Variants in SPMAP2L observed in about 807,000 individuals in gnomAD.
SPMAP2L encodes the protein sperm microtubule associated protein 2-like.
the SPMAP2L span, among the ~76,000 whole-genome samples, chr4:56,579,951 A>G: frequency 4.6e-5 from 7 of 152,220 alleles, no homozygotes; most frequent in Non-Finnish European, 1.0e-4. Context: ...AAAGCTTCCT[A>G]TGAAGAACAG....
At chr4:56,551,187 G>T in the SPMAP2L span, among the ~76,000 whole-genome samples, 2,638 of 152,262 alleles carry the variant, frequency 0.017, 81 homozygotes, top group African/African-American at 0.06. Flanking sequence ...AAAGAGCTCA[G>T]GCAAGTGTTA....
the SPMAP2L span, among the ~76,000 whole-genome samples, chr4:56,531,504 C>T: frequency 6.6e-6 from 1 of 152,172 alleles, no homozygotes; most frequent in Admixed American, 6.5e-5. Context: ...CTCTGGGTTG[C>T]ACTTTGAATG....
the SPMAP2L span, among the ~76,000 whole-genome samples, chr4:56,597,088 G>C: frequency 6.6e-6 from 1 of 152,210 alleles, no homozygotes. Context: ...AGGGTGGTAA[G>C]ATACTTTGCC....
At chr4:56,537,946 G>GC in the SPMAP2L span, among the ~76,000 whole-genome samples, 1 of 152,030 alleles carries the variant, frequency 6.6e-6, no homozygotes, top group Non-Finnish European at 1.5e-5. Context: ...GCCCGCCTCG[G>GC]CCCCCCAAAG....
the SPMAP2L span, among the ~76,000 whole-genome samples, chr4:56,589,350 T>C: frequency 1.8e-4 from 28 of 152,312 alleles, 1 homozygote; most frequent in Admixed American, 1.7e-3. Context: ...ATAGTATAGT[T>C]TGAAATCAGG....
At chr4:56,623,168 A>C in the SPMAP2L span, among the ~76,000 whole-genome samples, 781 of 152,184 alleles carry the variant, frequency 5.1e-3, 6 homozygotes, top group South Asian at 0.01. Context: ...TTTTCTCTCT[A>C]GGGCTTTCTT....
the SPMAP2L span, among the ~76,000 whole-genome samples, chr4:56,533,325 A>G: frequency 6.6e-6 from 1 of 152,172 alleles, no homozygotes; most frequent in Non-Finnish European, 1.5e-5. Flanking sequence ...GAGTGCTCTC[A>G]TTCCTCAACC....
At chr4:56,536,777 AT>A in the SPMAP2L span, among the ~76,000 whole-genome samples, 1 of 151,988 alleles carries the variant, frequency 6.6e-6, no homozygotes, top group Non-Finnish European at 1.5e-5. Context: ...TATTATTACT[AT>A]TTTGAGATGG....
chr4:56,530,652 C>A, the SPMAP2L span: 8 of 1,526,340 alleles, frequency 5.2e-6, no homozygotes, highest in African/African-American at 8.3e-5. Flanking sequence ...GTGAGTCCCG[C>A]GCGCGACAGA....
the SPMAP2L span, among the ~76,000 whole-genome samples, chr4:56,572,150 A>C: frequency 1.7e-4 from 26 of 152,220 alleles, no homozygotes; most frequent in Non-Finnish European, 3.1e-4. Flanking sequence ...TATCATCACT[A>C]TCAAGTATTA....
chr4:56,614,530 T>C, the SPMAP2L span, among the ~76,000 whole-genome samples: 1 of 152,090 alleles, frequency 6.6e-6, no homozygotes, highest in Non-Finnish European at 1.5e-5. Context: ...GGCACACAAC[T>C]GTAATCCCAG....
chr4:56,549,089 A>G, the SPMAP2L span, among the ~76,000 whole-genome samples: 1 of 151,180 alleles, frequency 6.6e-6, no homozygotes, highest in Admixed American at 6.6e-5. Flanking sequence ...CCCGGGTTCA[A>G]GTGATTCTCC....
the SPMAP2L span, among the ~76,000 whole-genome samples, chr4:56,581,828 A>G: frequency 6.6e-6 from 1 of 152,222 alleles, no homozygotes; most frequent in Non-Finnish European, 1.5e-5. Context: ...ATAGACATTT[A>G]GAGCAATGAA....
At chr4:56,547,657 C>A in the SPMAP2L span, among the ~76,000 whole-genome samples, 70 of 152,306 alleles carry the variant, frequency 4.6e-4, 1 homozygote, top group East Asian at 0.013. Context: ...AGCAACAAAA[C>A]TGAGGTTTGA....
the SPMAP2L span, among the ~76,000 whole-genome samples, chr4:56,600,002 A>T: frequency 1.3e-5 from 2 of 152,062 alleles, no homozygotes; most frequent in African/African-American, 4.8e-5. Flanking sequence ...AAAAGTCAGG[A>T]AACAACAGAT....
the SPMAP2L span, among the ~76,000 whole-genome samples, chr4:56,586,664 C>T: frequency 6.6e-6 from 1 of 152,124 alleles, no homozygotes; most frequent in Non-Finnish European, 1.5e-5. Flanking sequence ...GTGGCTTAGA[C>T]CTTTCTTGTC....
the SPMAP2L span, among the ~76,000 whole-genome samples, chr4:56,612,671 G>A: frequency 6.6e-6 from 1 of 151,930 alleles, no homozygotes; most frequent in Non-Finnish European, 1.5e-5. Context: ...GGGTTCAAGC[G>A]ACTCTCCTAC....
the SPMAP2L span, among the ~76,000 whole-genome samples, chr4:56,549,686 C>T: frequency 3.9e-5 from 6 of 152,282 alleles, no homozygotes; most frequent in Admixed American, 1.3e-4. Flanking sequence ...ACTTTTTGAG[C>T]ATGGGCATAA....
the SPMAP2L span, chr4:56,594,290 G>A: frequency 1.3e-6 from 2 of 1,555,598 alleles, no homozygotes; most frequent in Non-Finnish European, 1.8e-6. Context: ...GGAAAATAAA[G>A]ACATTTCCCT....
Sources: gnomAD v4.1 joint callset for allele counts (sites outside exome capture counted in the v4.1 genomes callset) on GRCh38, gnomAD v4.1.1 for gene constraint, MANE v1.5 for transcripts, NCBI Gene and HGNC (gene_info 2026-07-23, HGNC 2026-07-21) for gene names.